TBC1D5: variants seen among roughly 807,000 people sequenced by gnomAD.
The protein encoded by TBC1D5 is TBC1 domain family, member 5.
Under a neutral mutation model 100.3 loss-of-function variants are expected in TBC1D5, and 75 were observed. The observed-to-expected ratio is 0.75, with a 90% CI of 0.62 to 0.91. The LOEUF (loss-of-function observed/expected upper bound fraction) is 0.91, where lower values mean the gene tolerates loss of function less well. Ranked by LOEUF, TBC1D5 falls within the 40% of genes least tolerant of loss-of-function variation. The pLI, the probability that TBC1D5 is intolerant of heterozygous loss-of-function variation, is 0.00. For missense variants in TBC1D5, 910 were observed against 942.4 expected, an observed-to-expected ratio of 0.97 and a Z score of 0.45; for synonymous variants, 323 against 325.6, an observed-to-expected ratio of 0.99 and a Z score of 0.09.
chr3:17,540,834 G>A (rs1560118775), intron 2 of TBC1D5, among the ~76,000 whole-genome samples: 1 of 146,206 alleles, frequency 6.8e-6, no homozygotes, highest in South Asian at 2.1e-4. Context: ...TTGAACCCAG[G>A]AGGCAGAGGC....
At chr3:17,227,973 A>C (rs2075072792) in intron 17 of TBC1D5, among the ~76,000 whole-genome samples, 1 of 151,888 alleles carries the variant, frequency 6.6e-6, no homozygotes, top group Admixed American at 6.6e-5. Flanking sequence ...GGCCAGATCA[A>C]GGGTCTGACA....
Position 17,238,396 on chromosome 3 carries a change from AG to A in TBC1D5, c.1354del (p.Leu452Ter). On this transcript the variant is annotated frameshift_variant, in exon 17 of 22. Coordinates refer to ENST00000253692, the Ensembl canonical transcript of TBC1D5. LOFTEE classifies it high-confidence loss of function. Reference sequence around the variant, plus strand: ...GCTATTAGAGACCTTATTTATATTCAGGGGAGCACCTTTGGCATTGGTCCTG... The same window carrying A: ...GCTATTAGAGACCTTATTTATATTCAGGGAGCACCTTTGGCATTGGTCCTG... 1 of 1,613,470 alleles carries A rather than the reference AG, an allele frequency of 6.2e-7. No individual in the cohort carries two copies. The highest frequency in any genetic ancestry group is 8.5e-7 in the Non-Finnish European group (1 of 1,179,694).
chr3:17,189,419 T>C (rs1321098897), intron 18 of TBC1D5, among the ~76,000 whole-genome samples: 1 of 152,136 alleles, frequency 6.6e-6, no homozygotes, highest in Non-Finnish European at 1.5e-5. Context: ...GGGCCACCTG[T>C]AGACTACAAT....
chr3:17,175,308 C>CCATA (rs1553601994), intron 19 of TBC1D5, among the ~76,000 whole-genome samples: 11 of 151,560 alleles, frequency 7.3e-5, no homozygotes, highest in Non-Finnish European at 1.5e-4. Context: ...TTCTTGAGGC[C>CCATA]AATAGTTCTC....
intron 1 of TBC1D5, among the ~76,000 whole-genome samples, chr3:17,714,274 C>T (rs937594578): frequency 6.6e-6 from 1 of 152,186 alleles, no homozygotes; most frequent in African/African-American, 2.4e-5. Flanking sequence ...CCATAGATGC[C>T]TGAGACAAAA....
At chr3:17,341,682 A>T (rs2088964963) in intron 13 of TBC1D5, among the ~76,000 whole-genome samples, 1 of 152,226 alleles carries the variant, frequency 6.6e-6, no homozygotes, top group African/African-American at 2.4e-5. Flanking sequence ...ATTTAAATAT[A>T]GTAACACTTT....
chr3:17,415,259 C>T (rs1013500857), intron 4 of TBC1D5, among the ~76,000 whole-genome samples: 2 of 152,122 alleles, frequency 1.3e-5, no homozygotes, highest in African/African-American at 2.4e-5. Flanking sequence ...GGGGTTCAAA[C>T]CATTCTCCTG....
At chr3:17,380,038 A>AT (rs2092874798) in intron 9 of TBC1D5, among the ~76,000 whole-genome samples, 1 of 74,820 alleles carries the variant, frequency 1.3e-5, no homozygotes. Context: ...TACAGCTGTG[A>AT]CTGTGTATGT....
At chr3:17,716,256 G>A (rs913611072) in intron 1 of TBC1D5, among the ~76,000 whole-genome samples, 1 of 152,030 alleles carries the variant, frequency 6.6e-6, no homozygotes, top group African/African-American at 2.4e-5. Context: ...GCAACCACCA[G>A]AACTCATCTT....
chr3:17,735,260 G>A (rs1306941683), intron 1 of TBC1D5, among the ~76,000 whole-genome samples: 1 of 152,178 alleles, frequency 6.6e-6, no homozygotes, highest in African/African-American at 2.4e-5. Flanking sequence ...AAATCTAGGT[G>A]TCTAAGAATG....
chr3:17,432,351 A>C (rs1221275110), intron 3 of TBC1D5, among the ~76,000 whole-genome samples: 1 of 152,220 alleles, frequency 6.6e-6, no homozygotes, highest in East Asian at 1.9e-4. Context: ...CCTTTAAAAA[A>C]ATGATTTTTA....
intron 3 of TBC1D5, among the ~76,000 whole-genome samples, chr3:17,470,819 G>A (rs1242820928): frequency 6.6e-6 from 1 of 152,090 alleles, no homozygotes; most frequent in Non-Finnish European, 1.5e-5. Flanking sequence ...CTACTCGGGA[G>A]GCTGAGGCAG....
intron 1 of TBC1D5, among the ~76,000 whole-genome samples, chr3:17,686,323 A>T (rs1233038073): frequency 6.6e-6 from 1 of 152,136 alleles, no homozygotes; most frequent in African/African-American, 2.4e-5. Context: ...AGCATTCTTT[A>T]TATCCTTAAA....
At chr3:17,276,016 A>G (rs978820093) in intron 15 of TBC1D5, among the ~76,000 whole-genome samples, 1 of 152,206 alleles carries the variant, frequency 6.6e-6, no homozygotes, top group Non-Finnish European at 1.5e-5. Flanking sequence ...AAGTGATCTG[A>G]TAATGATGTG....
chr3:17,297,693 C>T (rs1483138143), intron 14 of TBC1D5, among the ~76,000 whole-genome samples: 1 of 152,078 alleles, frequency 6.6e-6, no homozygotes, highest in Non-Finnish European at 1.5e-5. Context: ...AGTGATCCTC[C>T]CACCTCAGCC....
At position 17,654,973 on chromosome 3, in the gene TBC1D5, G is replaced by A. The variant is rs536361057; in HGVS notation, c.-100-31060C>T. ...AGAGGTGTTTGTAGTATTCTCTGAT[G>A]GTAGTTTGTATTTCTGTGGGATCAG... On this transcript the variant is annotated intron_variant, in intron 1 of 21. Transcript: ENST00000253692. 2.0e-3 allele frequency among the ~76,000 whole-genome samples: 310 copies of A among 151,812 alleles called. 1 individual carries two copies. The highest frequency in any genetic ancestry group is 7.1e-3 in the African/African-American group (294 of 41,456).
At chr3:17,683,870 A>G (rs975044037) in intron 1 of TBC1D5, among the ~76,000 whole-genome samples, 1 of 152,210 alleles carries the variant, frequency 6.6e-6, no homozygotes, top group African/African-American at 2.4e-5. Context: ...GTATTATTAT[A>G]AAAGTCTACA....
chr3:17,374,179 C>T (rs139728063), intron 12 of TBC1D5, among the ~76,000 whole-genome samples: 1 of 152,120 alleles, frequency 6.6e-6, no homozygotes, highest in Non-Finnish European at 1.5e-5. Context: ...TACCAACTAA[C>T]TAGGGTAGCA....
chr3:17,238,504 T>G, intron 16 of TBC1D5, 85 bp from the exon 17 acceptor site: 1 of 1,435,238 alleles, frequency 7.0e-7, no homozygotes, highest in Non-Finnish European at 9.2e-7. Context: ...AAGCACACCT[T>G]GTCTGCTTTG....
Sources: allele counts gnomAD v4.1 joint callset (sites outside exome capture counted in the v4.1 genomes callset), GRCh38; gene constraint gnomAD v4.1.1; transcripts MANE v1.5; gene names NCBI Gene and HGNC (gene_info 2026-07-23, HGNC 2026-07-21).